The following CTNNA3 variants were observed in gnomAD, a reference collection of about 807,000 sequenced individuals.
CTNNA3 encodes catenin alpha 3.
In CTNNA3, 76 loss-of-function variants were observed where a neutral mutation model predicts 95.7. That is an observed-to-expected ratio of 0.79 (90% confidence interval 0.66 to 0.96). The LOEUF is 0.96. Among genes scored for constraint, CTNNA3 ranks in the 40% least tolerant of loss-of-function variants. The pLI is 0.00. For synonymous variants in CTNNA3, 431 were observed against 374.4 expected (o/e 1.15, Z -1.74); for missense variants, 1,191 against 1,089.8 (o/e 1.09, Z -1.31).
At chr10:66,812,685 T>A (rs1183081910) in intron 7 of CTNNA3, among the ~76,000 whole-genome samples, 2 of 152,144 alleles carry the variant, frequency 1.3e-5, no homozygotes, top group Admixed American at 6.5e-5. Context: ...TAAGTATTAT[T>A]ATTATTAAGG....
At chr10:67,262,216 A>T (rs564228100) in intron 5 of CTNNA3, among the ~76,000 whole-genome samples, 2 of 152,314 alleles carry the variant, frequency 1.3e-5, no homozygotes, top group African/African-American at 4.8e-5. Flanking sequence ...CTATATTGGC[A>T]TTCAAGTAAT....
At chr10:66,844,644 A>C (rs1426165922) in intron 7 of CTNNA3, among the ~76,000 whole-genome samples, 2 of 152,202 alleles carry the variant, frequency 1.3e-5, no homozygotes, top group East Asian at 3.9e-4. Flanking sequence ...CAGTAATCTA[A>C]GAGTTATGAA....
chr10:66,491,704 GATTTCAAAAGGTAGCCA>G (rs1839929311), intron 11 of CTNNA3, among the ~76,000 whole-genome samples: 3 of 152,084 alleles, frequency 2.0e-5, no homozygotes, highest in Admixed American at 2.0e-4. Flanking sequence ...ATTAAAATAG[GATTTCAAAAGGTAGCCA>G]ATTTCAAAAT....
At chr10:67,721,479 G>A (rs540925490) in intron 1 of CTNNA3, among the ~76,000 whole-genome samples, 9 of 151,938 alleles carry the variant, frequency 5.9e-5, no homozygotes, top group East Asian at 1.9e-4. Flanking sequence ...GCTTCACAAC[G>A]TTCTCGTGCT....
At chr10:66,037,808 A>G (rs2079598527) in intron 15 of CTNNA3, among the ~76,000 whole-genome samples, 1 of 152,202 alleles carries the variant, frequency 6.6e-6, no homozygotes, top group African/African-American at 2.4e-5. Flanking sequence ...CTGCTGCTAG[A>G]AAAGCTATTT....
chr10:67,741,433 A>T (rs1200559942), intron 1 of CTNNA3, among the ~76,000 whole-genome samples: 2 of 150,918 alleles, frequency 1.3e-5, no homozygotes, highest in African/African-American at 4.9e-5. Flanking sequence ...GAGAAATAAA[A>T]TACTTTACAG....
intron 14 of CTNNA3, among the ~76,000 whole-genome samples, chr10:66,098,359 T>A (rs1383034246): frequency 2.0e-5 from 3 of 152,180 alleles, no homozygotes; most frequent in Non-Finnish European, 4.4e-5. Flanking sequence ...CCAGTTAATA[T>A]GGCTTGCATA....
intron 10 of CTNNA3, among the ~76,000 whole-genome samples, chr10:66,610,019 G>A (rs1021257859): frequency 2.6e-5 from 4 of 152,138 alleles, no homozygotes; most frequent in Admixed American, 6.6e-5. Flanking sequence ...AATACTTCAT[G>A]TTCTTACTTA....
chr10:66,974,173 C>A (rs181071377), intron 7 of CTNNA3, among the ~76,000 whole-genome samples: 1 of 152,072 alleles, frequency 6.6e-6, no homozygotes, highest in African/African-American at 2.4e-5. Flanking sequence ...GAGCTTGATA[C>A]GAATGAAATC....
intron 13 of CTNNA3, among the ~76,000 whole-genome samples, chr10:66,235,539 A>G (rs1331985530): frequency 1.3e-5 from 2 of 151,988 alleles, no homozygotes; most frequent in Admixed American, 6.6e-5. Flanking sequence ...GCCTAATTAT[A>G]TCTCAAAGCT....
At chr10:66,440,566 C>T (rs775342133) in intron 11 of CTNNA3, among the ~76,000 whole-genome samples, 1 of 152,020 alleles carries the variant, frequency 6.6e-6, no homozygotes, top group African/African-American at 2.4e-5. Flanking sequence ...TCAAAATGAC[C>T]AATCTTTAGT....
intron 10 of CTNNA3, among the ~76,000 whole-genome samples, chr10:66,574,593 CAT>C (rs1467992997): frequency 4.6e-5 from 7 of 152,102 alleles, no homozygotes; most frequent in Admixed American, 3.3e-4. Context: ...GAAAAGAAAA[CAT>C]ATTGAAAAGG....
intron 13 of CTNNA3, among the ~76,000 whole-genome samples, chr10:66,164,321 T>C (rs956427110): frequency 1.3e-5 from 2 of 152,198 alleles, no homozygotes; most frequent in East Asian, 1.9e-4. Context: ...GAAGTTATTG[T>C]AGTAGATATA....
intron 5 of CTNNA3, among the ~76,000 whole-genome samples, chr10:67,438,562 A>C (rs892473843): frequency 1.3e-5 from 2 of 152,232 alleles, no homozygotes; most frequent in Admixed American, 6.5e-5. Context: ...CACACAAAAA[A>C]GCACTGACAT....
chr10:67,656,717 G>C (rs1248439298), intron 1 of CTNNA3, among the ~76,000 whole-genome samples: 1 of 151,942 alleles, frequency 6.6e-6, no homozygotes, highest in Non-Finnish European at 1.5e-5. Context: ...TAGCCAAGCA[G>C]ACAGCCGGGG....
At chr10:66,414,565 T>C (rs1025245642) in intron 11 of CTNNA3, among the ~76,000 whole-genome samples, 7 of 152,160 alleles carry the variant, frequency 4.6e-5, no homozygotes, top group Non-Finnish European at 1.0e-4. Context: ...TTATGGCAGC[T>C]TCCCATGGAG....
At chr10:66,634,549 G>A (rs1845268932) in intron 9 of CTNNA3, among the ~76,000 whole-genome samples, 1 of 148,810 alleles carries the variant, frequency 6.7e-6, no homozygotes, top group African/African-American at 2.5e-5. Context: ...AATTCAACAT[G>A]TTTGGAAAGG....
intron 12 of CTNNA3, among the ~76,000 whole-genome samples, chr10:66,353,031 GTATGA>G (rs1202015855): frequency 1.3e-5 from 2 of 151,906 alleles, no homozygotes; most frequent in Non-Finnish European, 2.9e-5. Context: ...AATCTTTCAT[GTATGA>G]TATATTTCAT....
In CTNNA3 at chr10:67,588,974, G is replaced by A. The variant is rs142117539; in HGVS notation, c.292+17883C>T. On this transcript the variant is annotated intron_variant, in intron 3 of 17. Coordinates refer to ENST00000433211, the MANE Select transcript of CTNNA3 (RefSeq NM_013266.4). ...ATGTTAGTCAGCTCAGTGAGGGCAAGCCTTATCTATCTAGTTGACTTTTGC... is the reference window on the plus strand; with the variant it reads ...ATGTTAGTCAGCTCAGTGAGGGCAAACCTTATCTATCTAGTTGACTTTTGC... Among the ~76,000 whole-genome samples the A allele has an allele frequency of 3.6e-4, 55 of 152,012 alleles. No homozygotes were observed. The East Asian group carries it at 0.01, about 28-fold the overall frequency.
Sources: gnomAD v4.1 joint callset for allele counts (sites outside exome capture counted in the v4.1 genomes callset) on GRCh38, gnomAD v4.1.1 for gene constraint, MANE v1.5 for transcripts, NCBI Gene and HGNC (gene_info 2026-07-23, HGNC 2026-07-21) for gene names.